The following KCNIP4 variants were observed in gnomAD, a reference collection of about 807,000 sequenced individuals.
KCNIP4 encodes Kv channel-interacting protein 4.
Under a neutral mutation model 34.0 loss-of-function variants are expected in KCNIP4, and 12 were observed. That is an observed-to-expected ratio of 0.35 (90% confidence interval 0.23 to 0.57). The LOEUF (loss-of-function observed/expected upper bound fraction) is 0.57. Among genes scored for constraint, KCNIP4 ranks in the 20% least tolerant of loss-of-function variants. The probability of loss-of-function intolerance (pLI) is 0.83; values close to 1 mark genes in which losing one functional copy is unlikely to be tolerated. For missense variants in KCNIP4, 238 were observed against 311.7 expected (o/e 0.76, Z 1.78); for synonymous variants, 124 against 102.2 (o/e 1.21, Z -1.29).
intron 1 of KCNIP4, among the ~76,000 whole-genome samples, chr4:21,518,180 C>T (rs888589479): frequency 6.6e-6 from 1 of 152,164 alleles, no homozygotes; most frequent in Non-Finnish European, 1.5e-5. Context: ...ACACACACCC[C>T]CTACTCCATC....
At chr4:21,081,532 TAGA>T (rs1206673170) in intron 1 of KCNIP4, among the ~76,000 whole-genome samples, 1 of 151,764 alleles carries the variant, frequency 6.6e-6, no homozygotes. Context: ...GTTAAAACTA[TAGA>T]AGAAGAAATT....
chr4:21,325,531 T>C (rs1714951819), intron 1 of KCNIP4, among the ~76,000 whole-genome samples: 1 of 151,910 alleles, frequency 6.6e-6, no homozygotes, highest in African/African-American at 2.4e-5. Context: ...CAATTTTATT[T>C]ATCTTTTCAA....
At chr4:21,344,024 A>G (rs1477701514) in intron 1 of KCNIP4, among the ~76,000 whole-genome samples, 1 of 152,110 alleles carries the variant, frequency 6.6e-6, no homozygotes, top group Non-Finnish European at 1.5e-5. Flanking sequence ...ACTCCATCAC[A>G]TAGGAGTATG....
chr4:20,815,133 G>C (rs1050079193), intron 3 of KCNIP4, among the ~76,000 whole-genome samples: 7 of 152,088 alleles, frequency 4.6e-5, no homozygotes, highest in Non-Finnish European at 8.8e-5. Flanking sequence ...TCCTATATCA[G>C]CTGTTTTTTC....
intron 2 of KCNIP4, among the ~76,000 whole-genome samples, chr4:20,862,215 TCCTGA>T (rs1722280414): frequency 6.6e-6 from 1 of 151,946 alleles, no homozygotes; most frequent in Non-Finnish European, 1.5e-5. Context: ...GGTCTCAAAC[TCCTGA>T]CCTCATGATC....
intron 1 of KCNIP4, among the ~76,000 whole-genome samples, chr4:21,232,187 C>T (rs1362264132): frequency 2.0e-5 from 3 of 152,032 alleles, no homozygotes; most frequent in Non-Finnish European, 4.4e-5. Flanking sequence ...GTACAAATTC[C>T]TTAACAAAGG....
intron 1 of KCNIP4, among the ~76,000 whole-genome samples, chr4:21,656,006 G>A (rs950598795): frequency 1.3e-5 from 2 of 152,144 alleles, no homozygotes; most frequent in South Asian, 2.1e-4. Context: ...GTTTGCTAGT[G>A]CTGCTATAAC....
intron 1 of KCNIP4, among the ~76,000 whole-genome samples, chr4:21,799,705 C>T (rs985644342): frequency 6.6e-6 from 1 of 152,142 alleles, no homozygotes; most frequent in African/African-American, 2.4e-5. Context: ...ATTGAAGACA[C>T]ACTTCTGAAC....
rs1560272464 is a variant in KCNIP4, at chr4:21,304,063, G to GAGAGAGAGAGAGAGAGAGAGAGAGAC, written c.62-421355_62-421354insGTCTCTCTCTCTCTCTCTCTCTCTCT. ...AGAGAGAGAGAGAGAGAGAGAGAGA[G>GAGAGAGAGAGAGAGAGAGAGAGAGAC]AGAGACAGAGAGAGAGAGAGAGACA... is the stretch of plus-strand genomic sequence containing the variant. On this transcript the variant is annotated intron_variant, in intron 1 of 8. Coordinates refer to ENST00000382152, the MANE Select transcript of KCNIP4 (RefSeq NM_025221.6). 2.2e-5 allele frequency: 8 copies of GAGAGAGAGAGAGAGAGAGAGAGAGAC among 362,494 alleles called. No homozygotes were observed. The African/African-American group carries it at 3.6e-4, about 16-fold the overall frequency. The allele number at this position is 362,494 out of a possible 1,614,324, so 22.5% of individuals were successfully genotyped here. A position where few individuals can be genotyped will look rare whatever the true frequency, so the allele number is the denominator to read the frequency against.
At chr4:21,128,459 A>C (rs1750795439) in intron 1 of KCNIP4, among the ~76,000 whole-genome samples, 1 of 152,228 alleles carries the variant, frequency 6.6e-6, no homozygotes, top group Non-Finnish European at 1.5e-5. Flanking sequence ...TCCCTATATG[A>C]AGCCAATATA....
intron 1 of KCNIP4, among the ~76,000 whole-genome samples, chr4:21,432,955 A>T (rs952308795): frequency 1.3e-5 from 2 of 152,144 alleles, no homozygotes; most frequent in Non-Finnish European, 2.9e-5. Context: ...CTGAATTCTG[A>T]AACAAGGTCT....
intron 1 of KCNIP4, among the ~76,000 whole-genome samples, chr4:21,427,099 G>A (rs2109650534): frequency 6.6e-6 from 1 of 151,950 alleles, no homozygotes; most frequent in African/African-American, 2.4e-5. Flanking sequence ...CTGAGAGAAT[G>A]TTTCAGTCTA....
At chr4:21,727,333 C>T (rs529559497) in intron 1 of KCNIP4, among the ~76,000 whole-genome samples, 1 of 152,128 alleles carries the variant, frequency 6.6e-6, no homozygotes, top group East Asian at 1.9e-4. Context: ...GTCTTCATTC[C>T]TCCCACCATG....
intron 1 of KCNIP4, among the ~76,000 whole-genome samples, chr4:21,437,202 T>A (rs1727017117): frequency 6.6e-6 from 1 of 152,206 alleles, no homozygotes; most frequent in South Asian, 2.1e-4. Context: ...ATTGACTGTT[T>A]CACTATGCCT....
At chr4:21,094,286 C>T (rs1302786781) in intron 1 of KCNIP4, among the ~76,000 whole-genome samples, 3 of 152,062 alleles carry the variant, frequency 2.0e-5, no homozygotes, top group African/African-American at 7.2e-5. Context: ...GTGGCAGATT[C>T]AACACAGAAA....
chr4:21,389,872 G>A (rs539422611), intron 1 of KCNIP4, among the ~76,000 whole-genome samples: 28 of 152,034 alleles, frequency 1.8e-4, no homozygotes, highest in Admixed American at 5.2e-4. Context: ...TTGAGGAATC[G>A]CCACACTGTC....
intron 1 of KCNIP4, among the ~76,000 whole-genome samples, chr4:21,585,144 T>C (rs980639362): frequency 2.6e-5 from 4 of 152,068 alleles, no homozygotes; most frequent in African/African-American, 9.7e-5. Flanking sequence ...ACCCCAGTGC[T>C]GGGGTAAGCA....
chr4:21,714,477 C>G (rs1713993579), intron 1 of KCNIP4, among the ~76,000 whole-genome samples: 1 of 138,722 alleles, frequency 7.2e-6, no homozygotes, highest in Admixed American at 8.4e-5. Flanking sequence ...GAGTCAGACA[C>G]AGGGAGGAAG....
intron 1 of KCNIP4, among the ~76,000 whole-genome samples, chr4:21,930,789 A>G (rs1226815819): frequency 3.9e-5 from 6 of 152,202 alleles, no homozygotes; most frequent in East Asian, 1.9e-4. Flanking sequence ...CTTTGCTTCC[A>G]TGAAACTTTG....
Sources: allele counts gnomAD v4.1 joint callset (sites outside exome capture counted in the v4.1 genomes callset), GRCh38; gene constraint gnomAD v4.1.1; transcripts MANE v1.5; gene names NCBI Gene and HGNC (gene_info 2026-07-23, HGNC 2026-07-21).